The following DHCR24 variants were observed in gnomAD, a reference collection of about 807,000 sequenced individuals.
The protein encoded by DHCR24 is 24-dehydrocholesterol reductase, also known as delta(24)-sterol reductase.
Under a neutral mutation model 61.2 loss-of-function variants are expected in DHCR24, and 28 were observed. The ratio of observed to expected loss-of-function variants is 0.46; its 90% CI spans 0.34 to 0.63. The LOEUF is 0.63. Ranked by LOEUF, DHCR24 falls within the 20% of genes least tolerant of loss-of-function variation. The probability of loss-of-function intolerance (pLI) is 0.01; values close to 1 mark genes in which losing one functional copy is unlikely to be tolerated. For synonymous variants in DHCR24, 261 were observed against 275.9 expected, an observed-to-expected ratio of 0.95 and a Z score of 0.54; for missense variants, 538 against 679.1, an observed-to-expected ratio of 0.79 and a Z score of 2.31.
chr1:54,859,419 A>AT (rs775071204), intron 6 of DHCR24, among the ~76,000 whole-genome samples: 75 of 152,170 alleles, frequency 4.9e-4, no homozygotes, highest in Non-Finnish European at 1.6e-4. Context: ...GCAGCAATAG[A>AT]TCACTAATAC....
rs1422532031 is a variant in DHCR24 at position 54,871,627 on chromosome 1, T to C, written c.613-14A>G. 8.7e-6 allele frequency: 14 copies of C among 1,613,948 alleles called. No individual in the cohort carries two copies. The Admixed American group carries it at 1.5e-4, about 17-fold the overall frequency. Reference sequence around the variant, plus strand: ...TGAGTTTTCGGACTGTGAGACAGAATTGATGTGTTGTGAGCTGAAACCTTG... The same window carrying C: ...TGAGTTTTCGGACTGTGAGACAGAACTGATGTGTTGTGAGCTGAAACCTTG... On this transcript the variant is annotated splice_polypyrimidine_tract_variant and intron_variant, in intron 4 of 8. Transcript: ENST00000371269.
chr1:54,859,548 A>G (rs913947668), intron 6 of DHCR24, among the ~76,000 whole-genome samples: 1 of 151,748 alleles, frequency 6.6e-6, no homozygotes, highest in African/African-American at 2.4e-5. Flanking sequence ...ATCTTGGCTC[A>G]CTGCAACCTC....
At position 54,883,692 on chromosome 1, in the gene DHCR24, C is replaced by T. The variant is rs1557440936; in HGVS notation, c.313G>A (p.Gly105Arg). The T allele has an allele frequency of 3.1e-6, 5 of 1,614,206 alleles. No individual in the cohort carries two copies. Among genetic ancestry groups the T allele is most frequent in the Non-Finnish European group, 4.2e-6 (5 of 1,180,038 alleles). ...PGWLTVSLRV[G>R]KYKKTHKNIM... is the part of the protein sequence containing the mutation. ...TTTTTGTGTGTCTTCTTGTACTTCC[C>T]GACACGTAGTGAGACAGTGAGCCAG... Residue 105 changes from glycine (G) to arginine (R), a missense_variant, in exon 2 of 9, where the codon GGG becomes AGG. Gly to Arg is a moderately radical substitution (Grantham distance 125). Coordinates refer to ENST00000371269, the MANE Select transcript of DHCR24 (RefSeq NM_014762.4). The surrounding 1 kb of genome is among the most constrained non-coding windows in gnomAD (Gnocchi z 4.3).
intron 6 of DHCR24, among the ~76,000 whole-genome samples, chr1:54,855,804 C>T (rs1183532192): frequency 1.3e-5 from 2 of 152,006 alleles, no homozygotes; most frequent in Non-Finnish European, 1.5e-5. Flanking sequence ...TTTATTGTTT[C>T]CTTGGTTACC....
intron 6 of DHCR24, among the ~76,000 whole-genome samples, chr1:54,856,847 A>T (rs1210808642): frequency 6.6e-6 from 1 of 152,166 alleles, no homozygotes; most frequent in Non-Finnish European, 1.5e-5. Flanking sequence ...GTACCATTTT[A>T]TACTCTCCCA....
intron 2 of DHCR24, among the ~76,000 whole-genome samples, chr1:54,882,481 C>T (rs954249494): frequency 2.1e-4 from 32 of 152,234 alleles, no homozygotes; most frequent in African/African-American, 7.7e-4. Context: ...TCTAGCCATT[C>T]CATTCCTAGA....
intron 2 of DHCR24, among the ~76,000 whole-genome samples, chr1:54,877,127 G>T (rs77923238): frequency 2.6e-5 from 4 of 151,906 alleles, no homozygotes; most frequent in African/African-American, 9.7e-5. Flanking sequence ...AATAGAATGC[G>T]GAAGCAGGTT....
At chr1:54,869,078 C>T (rs1233273129) in intron 5 of DHCR24, among the ~76,000 whole-genome samples, 1 of 152,104 alleles carries the variant, frequency 6.6e-6, no homozygotes, top group Non-Finnish European at 1.5e-5. Flanking sequence ...AAACAAAAAA[C>T]AATAAACAAG....
At chr1:54,875,449 A>G (rs891402199) in intron 3 of DHCR24, among the ~76,000 whole-genome samples, 3 of 152,108 alleles carry the variant, frequency 2.0e-5, no homozygotes, top group African/African-American at 2.4e-5. Flanking sequence ...GACCTTGTCA[A>G]GTGTACTCAC....
intron 5 of DHCR24, among the ~76,000 whole-genome samples, chr1:54,870,927 A>T (rs750736565): frequency 6.1e-4 from 93 of 152,248 alleles, no homozygotes; most frequent in Non-Finnish European, 8.2e-4. Flanking sequence ...TGCATGGTAT[A>T]TGTGGAAGGA....
chr1:54,876,740 C>T (rs1244829735), intron 2 of DHCR24, among the ~76,000 whole-genome samples: 1 of 150,270 alleles, frequency 6.7e-6, no homozygotes, highest in Non-Finnish European at 1.5e-5. Flanking sequence ...GTTTTTTTTT[C>T]CCCACACATA....
At chr1:54,869,099 T>C (rs941973395) in intron 5 of DHCR24, among the ~76,000 whole-genome samples, 7 of 152,164 alleles carry the variant, frequency 4.6e-5, no homozygotes, top group Non-Finnish European at 8.8e-5. Context: ...AAAAGACAAA[T>C]GTGAACCAAG....
In DHCR24 at chr1:54,853,533, A is replaced by C. The variant is rs1244098832; in HGVS notation, c.1298T>G (p.Leu433Arg). ...LVHPKGNEAE[L>R]YIDIGAYGEP... Reference sequence around the variant, plus strand: ...CCCATATGCTCCAATGTCGATGTAGAGCTCTGCCTCATTTCCTTTGGGGTG... The same window carrying C: ...CCCATATGCTCCAATGTCGATGTAGCGCTCTGCCTCATTTCCTTTGGGGTG... The change falls in exon 8 of 9, where the codon CTC (leucine) becomes CGC (arginine). Residue 433 changes from leucine (L) to arginine (R), a missense_variant. Leu to Arg is a moderately radical substitution (Grantham distance 102). Transcript: ENST00000371269. 3 of 1,614,050 alleles carry C rather than the reference A, an allele frequency of 1.9e-6. No homozygotes were observed. In the Admixed American group the frequency reaches 5.0e-5, roughly 27 times the overall value.
intron 2 of DHCR24, among the ~76,000 whole-genome samples, chr1:54,882,644 T>A (rs1167339839): frequency 6.6e-6 from 1 of 152,172 alleles, no homozygotes; most frequent in Non-Finnish European, 1.5e-5. Flanking sequence ...ACAATATGTG[T>A]GGGAATATGA....
At position 54,883,801 on chromosome 1, in the gene DHCR24, G is replaced by A. The variant is rs1647077313; in HGVS notation, c.232-28C>T. On this transcript the variant is annotated intron_variant, in intron 1 of 8. Transcript: ENST00000371269. The surrounding 1 kb of genome is among the most constrained non-coding windows in gnomAD (Gnocchi z 4.3). ...GCAACCACAGGACAGAGGGTGAGCT[G>A]GCCCCACTGGGAATCCCCAGAGCAG... is the stretch of plus-strand genomic sequence containing the variant. 6.2e-7 allele frequency: 1 copy of A among 1,613,484 alleles called. No homozygotes were observed. The highest frequency in any genetic ancestry group is 8.5e-7 in the Non-Finnish European group (1 of 1,180,018).
At chr1:54,860,094 C>T (rs1033742173) in intron 6 of DHCR24, among the ~76,000 whole-genome samples, 3 of 152,206 alleles carry the variant, frequency 2.0e-5, no homozygotes, top group African/African-American at 4.8e-5. Context: ...CCCCTACCAC[C>T]GCCCAATCAC....
intron 6 of DHCR24, among the ~76,000 whole-genome samples, chr1:54,863,384 T>G (rs1646949288): frequency 6.6e-6 from 1 of 152,210 alleles, no homozygotes; most frequent in Non-Finnish European, 1.5e-5. Flanking sequence ...TAGAATAAAA[T>G]ATAAAGTCCT....
chr1:54,877,040 T>C (rs1647037604), intron 2 of DHCR24, among the ~76,000 whole-genome samples: 1 of 151,798 alleles, frequency 6.6e-6, no homozygotes, highest in Non-Finnish European at 1.5e-5. Context: ...GCTGCATTCT[T>C]TTCAGTTTCT....
chr1:54,865,727 GCAAGTGTTTAA>G (rs1646964691), intron 5 of DHCR24, among the ~76,000 whole-genome samples: 1 of 152,172 alleles, frequency 6.6e-6, no homozygotes, highest in African/African-American at 2.4e-5. Flanking sequence ...CTAGCCTGGT[GCAAGTGTTTAA>G]CAGAGTTAAA....
Sources: allele counts gnomAD v4.1 joint callset (sites outside exome capture counted in the v4.1 genomes callset), GRCh38; gene constraint gnomAD v4.1.1; non-coding constraint Gnocchi (gnomAD v3.1); transcripts MANE v1.5; gene names NCBI Gene and HGNC (gene_info 2026-07-23, HGNC 2026-07-21).